Variants in NCAPD3 observed in about 807,000 individuals in gnomAD.
NCAPD3 encodes condensin-2 complex subunit D3.
NCAPD3 carries 105 observed loss-of-function variants against 182.9 expected under a neutral mutation model. That is an observed-to-expected ratio of 0.57 (90% confidence interval 0.49 to 0.68). The LOEUF is 0.68. Ranked by LOEUF, NCAPD3 falls within the 30% of genes least tolerant of loss-of-function variation. The probability of loss-of-function intolerance (pLI) is 0.00; values close to 1 mark genes in which losing one functional copy is unlikely to be tolerated. For missense variants in NCAPD3, 1,944 were observed against 1,837.0 expected (o/e 1.06, Z -1.07); for synonymous variants, 815 against 679.9 (o/e 1.20, Z -3.09).
rs1222316020 is a variant in NCAPD3, at chr11:134,168,079, C to G, written c.3490G>C (p.Asp1164His). The G allele has an allele frequency of 1.2e-6, 2 of 1,614,046 alleles. No homozygotes were observed. The highest frequency in any genetic ancestry group is 1.7e-6 in the Non-Finnish European group (2 of 1,180,006). The change falls in exon 27 of 35, where the codon GAC becomes CAC. Residue 1164 changes from aspartate (D) to histidine (H), a missense_variant. Coordinates refer to ENST00000534548, the MANE Select transcript of NCAPD3 (RefSeq NM_015261.3). Reference sequence around the variant, plus strand: ...TCTTCTTCCATAAGGAGGTCTTTGTCTGGTTTAGATCTCATTGCCAAAAGC... The same window carrying G: ...TCTTCTTCCATAAGGAGGTCTTTGTGTGGTTTAGATCTCATTGCCAAAAGC... The part of the protein sequence containing the change: ...IKLLAMRSKP[D>H]KDLLMEEDDM...
intron 16 of NCAPD3, among the ~76,000 whole-genome samples, chr11:134,190,832 C>T (rs1009261432): frequency 2.0e-5 from 3 of 152,302 alleles, no homozygotes; most frequent in African/African-American, 4.8e-5. Flanking sequence ...GTTTTCTGCT[C>T]GTCTCAATAT....
intron 7 of NCAPD3, among the ~76,000 whole-genome samples, chr11:134,207,611 C>G (rs190956833): frequency 3.4e-4 from 51 of 151,904 alleles, no homozygotes; most frequent in African/African-American, 5.3e-4. Context: ...GGCATGGTGG[C>G]GCGCACCTGT....
At chr11:134,217,144 G>A (rs779563638) in intron 2 of NCAPD3, 46 bp from the exon 3 acceptor site, 1 of 1,473,660 alleles carries the variant, frequency 6.8e-7, no homozygotes, top group South Asian at 1.4e-5. Context: ...TAGAGAAATG[G>A]AAACATTTCC....
rs1238783105 is a variant in NCAPD3 at position 134,223,432 on chromosome 11, TTCAC to T, written c.64+427_64+430del. The T allele has an allele frequency of 4.3e-6, 3 of 702,528 alleles. No homozygotes were observed. The Admixed American group carries it at 6.0e-5, about 14-fold the overall frequency. The allele number at this position is 702,528 out of a possible 1,614,324, so 43.5% of individuals were successfully genotyped here. A position where few individuals can be genotyped will look rare whatever the true frequency, so the allele number is the denominator to read the frequency against. On this transcript the variant is annotated intron_variant, in intron 1 of 34. Coordinates refer to ENST00000534548, the MANE Select transcript of NCAPD3 (RefSeq NM_015261.3). ...ATTAGCAGGCTTTGGGAATCCCATT[TTCAC>T]TCATGTGACGTTTGATGATGTCTGC...
chr11:134,215,592 T>C (rs2136027468), intron 3 of NCAPD3, among the ~76,000 whole-genome samples: 1 of 152,320 alleles, frequency 6.6e-6, no homozygotes, highest in African/African-American at 2.4e-5. Context: ...AAAGGGGAGA[T>C]GCAAGAGTTG....
At chr11:134,163,212 G>C (rs1315369749) in intron 27 of NCAPD3, among the ~76,000 whole-genome samples, 1 of 152,150 alleles carries the variant, frequency 6.6e-6, no homozygotes, top group African/African-American at 2.4e-5. Context: ...GATTTCACTA[G>C]TGAAGTATAA....
At chr11:134,166,719 G>A (rs1239461295) in intron 27 of NCAPD3, among the ~76,000 whole-genome samples, 1 of 119,250 alleles carries the variant, frequency 8.4e-6, no homozygotes, top group African/African-American at 3.4e-5. Context: ...AGGGAGAGCA[G>A]CACACTCACT....
chr11:134,163,586 G>A (rs1943656373), intron 27 of NCAPD3, among the ~76,000 whole-genome samples: 1 of 151,828 alleles, frequency 6.6e-6, no homozygotes, highest in South Asian at 2.1e-4. Flanking sequence ...TGTAGTCCCA[G>A]CTACTAGGGA....
chr11:134,198,187 A>C (rs188374978), intron 13 of NCAPD3, among the ~76,000 whole-genome samples: 13 of 152,320 alleles, frequency 8.5e-5, no homozygotes, highest in Admixed American at 5.2e-4. Flanking sequence ...CACAGTCTTT[A>C]AGTCTGATAA....
At chr11:134,165,602 T>C (rs1287683770) in intron 27 of NCAPD3, among the ~76,000 whole-genome samples, 1 of 137,646 alleles carries the variant, frequency 7.3e-6, no homozygotes, top group African/African-American at 2.8e-5. Flanking sequence ...TGAGATGAGC[T>C]TGGGGGAGGC....
chr11:134,168,255 A>T (rs1447983407), intron 26 of NCAPD3, 60 bp from the exon 27 acceptor site: 1 of 1,537,714 alleles, frequency 6.5e-7, no homozygotes, highest in Non-Finnish European at 9.0e-7. Context: ...CCCAGAGAGG[A>T]GGTGTAATTC....
At position 134,151,760 on chromosome 11, in the gene NCAPD3, C is replaced by T. The variant is rs546165965; in HGVS notation, c.*1184G>A. 6.6e-6 allele frequency: 1 copy of T among 152,280 alleles called. No individual in the cohort carries two copies. Among genetic ancestry groups the T allele is most frequent in the South Asian group, 2.1e-4 (1 of 4,814 alleles). 9.4% of individuals were successfully genotyped at this position (152,280 alleles called of 1,614,324 possible). A position where few individuals can be genotyped will look rare whatever the true frequency, so the allele number is the denominator to read the frequency against. On this transcript the variant is annotated 3_prime_UTR_variant, in exon 35 of 35. Coordinates refer to ENST00000534548, the MANE Select transcript of NCAPD3 (RefSeq NM_015261.3). ...AAGCTTCAAAAAAACCCAAACATTG[C>T]TTCATTCTTTGTTATTTGCTCTTAC...
Position 134,151,207 on chromosome 11 carries a change from A to G in NCAPD3, c.*1737T>C, listed in dbSNP as rs1253622947. 6.6e-6 allele frequency: 1 copy of G among 152,182 alleles called. No individual in the cohort carries two copies. The highest frequency in any genetic ancestry group is 1.9e-4 in the East Asian group (1 of 5,184). The allele number at this position is 152,182 out of a possible 1,614,324, so 9.4% of individuals were successfully genotyped here. A position where few individuals can be genotyped will look rare whatever the true frequency, so the allele number is the denominator to read the frequency against. ...TTTGACAGCTTTTTTTTAATTGCATACATGAGACTGTGTTGACTTTTTTTA... is the reference window on the plus strand; with the variant it reads ...TTTGACAGCTTTTTTTTAATTGCATGCATGAGACTGTGTTGACTTTTTTTA... On this transcript the variant is annotated 3_prime_UTR_variant, in exon 35 of 35. Coordinates refer to ENST00000534548, the MANE Select transcript of NCAPD3 (RefSeq NM_015261.3).
In NCAPD3 at chr11:134,152,935, AGGCGCTGTTTAGTT is replaced by A; in HGVS notation, c.4492_*8del. The stretch of plus-strand genomic sequence containing the variant: ...TCCTGCCTGCCTGGACACTGGTGGG[AGGCGCTGTTTAGTT>A]GGCTGTTTTCAGAGGGGTCTTTCGG... On this transcript the variant is annotated stop_lost and 3_prime_UTR_variant, in exon 35 of 35. Transcript: ENST00000534548. 1.3e-6 allele frequency: 2 copies of A among 1,530,844 alleles called. No homozygotes were observed. The highest frequency in any genetic ancestry group is 1.8e-6 in the Non-Finnish European group (2 of 1,138,894). 94.8% of individuals were successfully genotyped at this position (1,530,844 alleles called of 1,614,324 possible). A position where few individuals can be genotyped will look rare whatever the true frequency, so the allele number is the denominator to read the frequency against.
chr11:134,168,135 G>T lies in NCAPD3; in HGVS notation c.3434C>A (p.Thr1145Lys), dbSNP rs780746091. 1.2e-6 allele frequency: 2 copies of T among 1,614,096 alleles called. No homozygotes were observed. Among genetic ancestry groups the T allele is most frequent in the Non-Finnish European group, 1.7e-6 (2 of 1,179,968 alleles). The change falls in exon 27 of 35, where the codon ACG becomes AAG. Residue 1145 changes from threonine (T) to lysine (K), a missense_variant. Physicochemically the swap from Thr to Lys is moderately conservative, Grantham distance 78. This residue lies in a region of NCAPD3 where 1,803 missense variants were observed against 1,674.6 expected (regional missense o/e 1.08). Transcript: ENST00000534548. ...DLDASELLSD[T>K]FEVLSSKEIK... ...CTCCTTTGAGCTGAGGACCTCAAAC[G>T]TGTCTGAGAGTAACTCACTGGCGTC... is the stretch of plus-strand genomic sequence containing the variant.
At chr11:134,183,177 A>C in intron 19 of NCAPD3, 1 of 456,244 alleles carries the variant, frequency 2.2e-6, no homozygotes, top group Non-Finnish European at 4.4e-6. Context: ...AATTAGGAAA[A>C]AGTCAGAGGC....
At chr11:134,163,049 G>A (rs1378557927) in intron 27 of NCAPD3, among the ~76,000 whole-genome samples, 1 of 152,140 alleles carries the variant, frequency 6.6e-6, no homozygotes, top group Non-Finnish European at 1.5e-5. Flanking sequence ...CAACTGAGGT[G>A]CAGATGGCAA....
chr11:134,212,464 G>A (rs1019404440), intron 3 of NCAPD3, among the ~76,000 whole-genome samples: 3 of 150,932 alleles, frequency 2.0e-5, no homozygotes, highest in African/African-American at 4.9e-5. Flanking sequence ...CGTGGATCTC[G>A]GCTCACTGCA....
At chr11:134,193,964 T>C in intron 15 of NCAPD3, 52 bp downstream of exon 15, 1 of 1,546,476 alleles carries the variant, frequency 6.5e-7, no homozygotes, top group Non-Finnish European at 8.8e-7. Context: ...TGTGTGGAAT[T>C]ACTTTTAATG....
Sources: allele counts gnomAD v4.1 joint callset (sites outside exome capture counted in the v4.1 genomes callset), GRCh38; gene constraint gnomAD v4.1.1; regional missense constraint gnomAD v4.1.1; transcripts MANE v1.5; gene names NCBI Gene and HGNC (gene_info 2026-07-23, HGNC 2026-07-21).